TEAD4: variants seen among roughly 807,000 people sequenced by gnomAD.
TEAD4 encodes the protein TEA domain transcription factor 4, also known as transcriptional enhancer factor TEF-3.
Under a neutral mutation model 52.4 loss-of-function variants are expected in TEAD4, and 36 were observed. That is an observed-to-expected ratio of 0.69 (90% CI 0.53 to 0.91). The LOEUF is 0.91. Ranked by LOEUF, TEAD4 falls within the 40% of genes least tolerant of loss-of-function variation. The pLI, the probability that TEAD4 is intolerant of heterozygous loss-of-function variation, is 0.00. For synonymous variants in TEAD4, 220 were observed against 231.0 expected, an observed-to-expected ratio of 0.95 and a Z score of 0.43; for missense variants, 508 against 583.9, an observed-to-expected ratio of 0.87 and a Z score of 1.34.
chr12:3,019,334 C>T (rs1048878125), intron 8 of TEAD4, among the ~76,000 whole-genome samples, 164 bp downstream of exon 8: 5 of 152,220 alleles, frequency 3.3e-5, no homozygotes, highest in Non-Finnish European at 7.3e-5. Flanking sequence ...TTCCTTTCCC[C>T]CAGCATGCAC....
intron 11 of TEAD4, among the ~76,000 whole-genome samples, chr12:3,038,353 C>T (rs564775933): frequency 7.4e-4 from 112 of 152,350 alleles, no homozygotes; most frequent in African/African-American, 2.6e-3. Flanking sequence ...CAGGCACCCC[C>T]GGTCCTCTCC....
intron 2 of TEAD4, among the ~76,000 whole-genome samples, chr12:2,968,856 A>G (rs2098222775): frequency 6.6e-6 from 1 of 151,728 alleles, no homozygotes. Flanking sequence ...TGCTATCTTT[A>G]TTTTGCCCAG....
At chr12:3,008,432 C>T (rs1274999598) in intron 3 of TEAD4, among the ~76,000 whole-genome samples, 1 of 152,150 alleles carries the variant, frequency 6.6e-6, no homozygotes, top group Non-Finnish European at 1.5e-5. Context: ...CCAGATCCTG[C>T]AGGGGTTTCC....
At chr12:3,036,130 A>T (rs2098279294) in intron 10 of TEAD4, among the ~76,000 whole-genome samples, 1 of 152,172 alleles carries the variant, frequency 6.6e-6, no homozygotes, top group Admixed American at 6.5e-5. Flanking sequence ...ATTGACACGA[A>T]TGCTTTTTTT....
At chr12:3,016,471 A>G (rs960377626) in intron 5 of TEAD4, among the ~76,000 whole-genome samples, 9 of 152,200 alleles carry the variant, frequency 5.9e-5, no homozygotes, top group African/African-American at 2.2e-4. Context: ...TGGGTACAGT[A>G]ACGCATGCCC....
rs2098260747 is a variant in TEAD4, at chr12:3,012,054, A to G, written c.292-116A>G. The G allele has an allele frequency of 3.0e-6, 3 of 985,880 alleles. No individual in the cohort carries two copies. The East Asian group carries it at 7.7e-5, about 25-fold the overall frequency. The allele number at this position is 985,880 out of a possible 1,614,324, so 61.1% of individuals were successfully genotyped here. Reference sequence around the variant, plus strand: ...CACCAGTTGACCCTTTCATTCATTCATTCATTTGGTCCACAGATGTGGGTT... The same window carrying G: ...CACCAGTTGACCCTTTCATTCATTCGTTCATTTGGTCCACAGATGTGGGTT... On this transcript the variant is annotated intron_variant, in intron 4 of 12. Coordinates refer to ENST00000359864, the MANE Select transcript of TEAD4 (RefSeq NM_003213.4).
At chr12:3,011,388 G>A (rs2098260234) in intron 4 of TEAD4, among the ~76,000 whole-genome samples, 3 of 151,828 alleles carry the variant, frequency 2.0e-5, no homozygotes, top group African/African-American at 2.4e-5. Context: ...CCGCCACAAT[G>A]CCCGGCTAAT....
intron 8 of TEAD4, among the ~76,000 whole-genome samples, chr12:3,019,952 G>T: frequency 6.6e-6 from 1 of 152,194 alleles, no homozygotes; most frequent in East Asian, 1.9e-4. Context: ...GCTGGCTTTT[G>T]CCTGCGTTCC....
chr12:3,011,059 C>G lies in TEAD4; in HGVS notation c.282C>G (p.Thr94=), dbSNP rs56191403. 6.2e-7 allele frequency: 1 copy of G among 1,614,084 alleles called. No individual in the cohort carries two copies. Among genetic ancestry groups the G allele is most frequent in the African/African-American group, 1.3e-5 (1 of 75,038 alleles). ...AGCTCCGGACAGGGAAGACCCGCACCAGGAAGCAGGTGGGCCTCAAGAGAC... is the reference window on the plus strand; with the variant it reads ...AGCTCCGGACAGGGAAGACCCGCACGAGGAAGCAGGTGGGCCTCAAGAGAC... Residue 94 remains threonine (T), a synonymous_variant, in exon 4 of 13, where the codon ACC becomes ACG. Transcript: ENST00000359864.
chr12:2,973,150 C>T (rs1192482199), intron 2 of TEAD4, among the ~76,000 whole-genome samples: 1 of 152,218 alleles, frequency 6.6e-6, no homozygotes, highest in African/African-American at 2.4e-5. Context: ...TAGCTCACTG[C>T]AGCCTTGACC....
chr12:2,985,681 T>A (rs931739765), intron 2 of TEAD4, among the ~76,000 whole-genome samples: 4 of 151,614 alleles, frequency 2.6e-5, no homozygotes, highest in Non-Finnish European at 5.9e-5. Context: ...AATTTTTGTA[T>A]TTTTAGTAGA....
intron 2 of TEAD4, among the ~76,000 whole-genome samples, chr12:2,980,280 A>G (rs1032409474): frequency 2.0e-5 from 3 of 152,106 alleles, no homozygotes; most frequent in Non-Finnish European, 4.4e-5. Context: ...GGTCCATGCA[A>G]CGAAAGAGAC....
chr12:3,021,720 G>A (rs1308056431), intron 9 of TEAD4, 124 bp from the exon 10 acceptor site: 2 of 924,146 alleles, frequency 2.2e-6, no homozygotes, highest in African/African-American at 3.3e-5. Flanking sequence ...TACTCATGGG[G>A]AAACTATGGC....
intron 3 of TEAD4, among the ~76,000 whole-genome samples, chr12:3,006,654 A>G (rs951530625): frequency 6.6e-6 from 1 of 151,888 alleles, no homozygotes; most frequent in Non-Finnish European, 1.5e-5. Context: ...ATTTCACTCC[A>G]GCCTAGGCAA....
chr12:3,020,483 C>A, intron 8 of TEAD4, 151 bp from the exon 9 acceptor site: 1 of 1,018,194 alleles, frequency 9.8e-7, no homozygotes, highest in Non-Finnish European at 1.3e-6. Flanking sequence ...GGCACTCCCT[C>A]CACCACCTCT....
At chr12:2,990,000 G>C (rs1280465738) in intron 2 of TEAD4, among the ~76,000 whole-genome samples, 1 of 151,984 alleles carries the variant, frequency 6.6e-6, no homozygotes, top group Admixed American at 6.6e-5. Flanking sequence ...TCTTTTTCTG[G>C]AATTCTGATG....
At chr12:3,001,541 G>A (rs976940898) in intron 3 of TEAD4, among the ~76,000 whole-genome samples, 1 of 152,202 alleles carries the variant, frequency 6.6e-6, no homozygotes, top group Non-Finnish European at 1.5e-5. Flanking sequence ...GGAGGCCGAG[G>A]CGGGTGAATC....
intron 3 of TEAD4, among the ~76,000 whole-genome samples, chr12:3,005,778 C>T (rs757532471): frequency 6.6e-6 from 1 of 152,086 alleles, no homozygotes; most frequent in Non-Finnish European, 1.5e-5. Context: ...GAATTATAGG[C>T]GTGAGCCACC....
chr12:2,967,266 C>CA (rs1169691622), intron 2 of TEAD4, among the ~76,000 whole-genome samples: 1 of 152,108 alleles, frequency 6.6e-6, no homozygotes, highest in Non-Finnish European at 1.5e-5. Flanking sequence ...TGTGTTCATG[C>CA]AAATCTATAT....
Sources: gnomAD v4.1 joint callset for allele counts (sites outside exome capture counted in the v4.1 genomes callset) on GRCh38, gnomAD v4.1.1 for gene constraint, MANE v1.5 for transcripts, NCBI Gene and HGNC (gene_info 2026-07-23, HGNC 2026-07-21) for gene names.